TOM1L2: variants seen among roughly 807,000 people sequenced by gnomAD.
TOM1L2 encodes target of myb1 like 2 membrane trafficking protein, also known as TOM1-like protein 2.
TOM1L2 carries 31 observed loss-of-function variants against 67.9 expected under a neutral mutation model. The observed-to-expected ratio is 0.46, with a 90% CI of 0.34 to 0.62. The LOEUF is 0.62. Ranked by LOEUF, TOM1L2 falls within the 20% of genes least tolerant of loss-of-function variation. The pLI, the probability that TOM1L2 is intolerant of heterozygous loss-of-function variation, is 0.01. For synonymous variants in TOM1L2, 256 were observed against 254.0 expected (o/e 1.01, Z -0.07); for missense variants, 606 against 663.5 (o/e 0.91, Z 0.95).
At chr17:17,941,353 G>A (rs1401368086) in intron 1 of TOM1L2, among the ~76,000 whole-genome samples, 2 of 152,162 alleles carry the variant, frequency 1.3e-5, no homozygotes, top group African/African-American at 4.8e-5. Context: ...TCCTGGCTCT[G>A]CCCTCGGATG....
At chr17:17,969,981 A>C (rs1306573090) in intron 1 of TOM1L2, among the ~76,000 whole-genome samples, 1 of 152,168 alleles carries the variant, frequency 6.6e-6, no homozygotes, top group African/African-American at 2.4e-5. Context: ...GGTCTCCCTG[A>C]CAGAAGTATC....
intron 7 of TOM1L2, chr17:17,869,679 GCAGA>G (rs2037052927): frequency 2.2e-6 from 3 of 1,374,098 alleles, no homozygotes; most frequent in South Asian, 1.8e-5. Flanking sequence ...TACTTTTTCA[GCAGA>G]CAAATGTCCA....
intron 13 of TOM1L2, 52 bp downstream of exon 13, chr17:17,850,841 G>A: frequency 1.9e-6 from 3 of 1,597,066 alleles, no homozygotes; most frequent in Non-Finnish European, 2.6e-6. Context: ...GTCCTCAGAA[G>A]AGCCTCTGCC....
intron 2 of TOM1L2, among the ~76,000 whole-genome samples, chr17:17,904,719 G>A (rs1024015592): frequency 6.6e-6 from 1 of 152,130 alleles, no homozygotes; most frequent in Non-Finnish European, 1.5e-5. Context: ...CTTTCCAGCC[G>A]GATTCCAGAC....
chr17:17,878,445 C>T (rs935281694), intron 7 of TOM1L2, among the ~76,000 whole-genome samples: 8 of 152,236 alleles, frequency 5.3e-5, no homozygotes, highest in African/African-American at 1.7e-4. Context: ...CACCTCTGTG[C>T]CCCTAGGACT....
intron 1 of TOM1L2, among the ~76,000 whole-genome samples, chr17:17,944,219 G>A (rs951782943): frequency 2.3e-4 from 35 of 152,364 alleles, no homozygotes; most frequent in Non-Finnish European, 4.3e-4. Flanking sequence ...GGCACAAAGT[G>A]GCTGCCGTGA....
At chr17:17,930,170 T>C (rs1034726910) in intron 1 of TOM1L2, among the ~76,000 whole-genome samples, 2 of 152,236 alleles carry the variant, frequency 1.3e-5, no homozygotes, top group Non-Finnish European at 2.9e-5. Flanking sequence ...AGCCTCTTTT[T>C]GTTGGACTGG....
chr17:17,936,734 G>C (rs1245445191), intron 1 of TOM1L2, among the ~76,000 whole-genome samples: 1 of 151,792 alleles, frequency 6.6e-6, no homozygotes, highest in East Asian at 1.9e-4. Context: ...GGAAAAACAG[G>C]GCACAAAATT....
At position 17,847,337 on chromosome 17, in the gene TOM1L2, G is replaced by A. The variant is rs1157553500; in HGVS notation, c.*298C>T. The A allele has an allele frequency of 2.3e-6, 1 of 438,950 alleles. No individual in the cohort carries two copies. 27.2% of individuals were successfully genotyped at this position (438,950 alleles called of 1,614,324 possible). On this transcript the variant is annotated 3_prime_UTR_variant, in exon 15 of 15. Transcript: ENST00000379504. The stretch of plus-strand genomic sequence containing the variant: ...AAGACAGTCCGGGTGGTCTGCTCAG[G>A]AAGCACTGCCTGGGGCTGGGCCACT...
At chr17:17,873,177 T>A (rs1285197216) in intron 7 of TOM1L2, among the ~76,000 whole-genome samples, 1 of 152,184 alleles carries the variant, frequency 6.6e-6, no homozygotes, top group Non-Finnish European at 1.5e-5. Flanking sequence ...TCAGGATGTT[T>A]CCCCACTCCA....
At chr17:17,954,649 C>A (rs2041352496) in intron 1 of TOM1L2, among the ~76,000 whole-genome samples, 1 of 152,088 alleles carries the variant, frequency 6.6e-6, no homozygotes. Context: ...TGGGGAGTTC[C>A]AGAAATTTTC....
chr17:17,876,722 C>T (rs902508717), intron 7 of TOM1L2, among the ~76,000 whole-genome samples: 1 of 152,202 alleles, frequency 6.6e-6, no homozygotes, highest in African/African-American at 2.4e-5. Context: ...CTGGCATCGC[C>T]CAGCTCATCA....
At chr17:17,916,473 C>T (rs900348251) in intron 1 of TOM1L2, among the ~76,000 whole-genome samples, 1 of 152,162 alleles carries the variant, frequency 6.6e-6, no homozygotes, top group Non-Finnish European at 1.5e-5. Flanking sequence ...GGTCCGACTT[C>T]ACTCTTTTGC....
chr17:17,848,422 T>A (rs567198426), intron 14 of TOM1L2, among the ~76,000 whole-genome samples: 2 of 152,194 alleles, frequency 1.3e-5, no homozygotes, highest in East Asian at 3.9e-4. Context: ...ACCCCGCTGC[T>A]CCCATCCAGC....
intron 1 of TOM1L2, among the ~76,000 whole-genome samples, chr17:17,959,026 C>T (rs1265259742): frequency 6.6e-6 from 1 of 152,214 alleles, no homozygotes; most frequent in Admixed American, 6.5e-5. Context: ...GTTCTCTGCC[C>T]CTTCCCCACA....
intron 1 of TOM1L2, among the ~76,000 whole-genome samples, chr17:17,925,519 A>G (rs1440015300): frequency 6.6e-6 from 1 of 151,998 alleles, no homozygotes; most frequent in Admixed American, 6.6e-5. Context: ...CAAAACTAAA[A>G]GCCAGTTATT....
rs544049797 is a variant in TOM1L2, at chr17:17,940,852, T to C, written c.52+31410A>G. ...GTGTGTGGGTCAGTCTCATAAATTG[T>C]TTTCTTGGCTGGATCCCAAGAAAGC... On this transcript the variant is annotated intron_variant, in intron 1 of 14. Transcript: ENST00000379504. Among the ~76,000 whole-genome samples, 8 of 152,328 alleles carry C rather than the reference T, an allele frequency of 5.3e-5. No individual in the cohort carries two copies. In the East Asian group the frequency reaches 7.7e-4, roughly 15 times the overall value.
intron 12 of TOM1L2, among the ~76,000 whole-genome samples, chr17:17,854,069 A>C (rs2036136851): frequency 6.6e-6 from 1 of 152,228 alleles, no homozygotes; most frequent in Non-Finnish European, 1.5e-5. Context: ...GTGATGGTTA[A>C]CAGTTAAGCT....
chr17:17,920,123 C>G (rs933424048), intron 1 of TOM1L2, among the ~76,000 whole-genome samples: 3 of 151,994 alleles, frequency 2.0e-5, no homozygotes, highest in Non-Finnish European at 4.4e-5. Flanking sequence ...GTCTAAAGAC[C>G]CTCCTGATTT....
Sources: gnomAD v4.1 joint callset for allele counts (sites outside exome capture counted in the v4.1 genomes callset) on GRCh38, gnomAD v4.1.1 for gene constraint, MANE v1.5 for transcripts, NCBI Gene and HGNC (gene_info 2026-07-23, HGNC 2026-07-21) for gene names.